Variants in CPNE4 observed in about 807,000 individuals in gnomAD.
CPNE4 encodes the protein copine 4.
A neutral mutation model predicts 67.9 loss-of-function variants in CPNE4; 25 were observed. The observed-to-expected ratio is 0.37, with a 90% CI of 0.27 to 0.51. The LOEUF (loss-of-function observed/expected upper bound fraction) is 0.51. Ranked by LOEUF, CPNE4 falls within the 20% of genes least tolerant of loss-of-function variation. CPNE4 has a pLI of 0.93. For synonymous variants in CPNE4, 242 were observed against 244.9 expected, an observed-to-expected ratio of 0.99 and a Z score of 0.11; for missense variants, 464 against 690.8, an observed-to-expected ratio of 0.67 and a Z score of 3.68.
chr3:131,873,319 T>C (rs2087295853), intron 2 of CPNE4, among the ~76,000 whole-genome samples: 1 of 152,224 alleles, frequency 6.6e-6, no homozygotes, highest in Non-Finnish European at 1.5e-5. Context: ...AAATAATGTG[T>C]GGTTTCTTTC....
chr3:131,781,329 T>C (rs2083428403), intron 2 of CPNE4, among the ~76,000 whole-genome samples: 1 of 152,122 alleles, frequency 6.6e-6, no homozygotes, highest in South Asian at 2.1e-4. Context: ...GCAAGACACA[T>C]TACTGTCCTG....
chr3:131,894,742 A>C (rs1476869594), intron 2 of CPNE4, among the ~76,000 whole-genome samples: 1 of 152,072 alleles, frequency 6.6e-6, no homozygotes, highest in Non-Finnish European at 1.5e-5. Context: ...AAGAAGAGGC[A>C]GCACTTACAC....
intron 1 of CPNE4, chr3:132,017,483 T>G (rs920602981): frequency 1.3e-5 from 2 of 152,234 alleles, no homozygotes; most frequent in Admixed American, 1.3e-4. Context: ...TCCATTTTTA[T>G]ATACTTGTTC....
chr3:131,655,425 G>A (rs1336295358), intron 7 of CPNE4, among the ~76,000 whole-genome samples: 1 of 152,168 alleles, frequency 6.6e-6, no homozygotes, highest in Non-Finnish European at 1.5e-5. Flanking sequence ...TGATTATTGG[G>A]AGTAGCAGGG....
chr3:131,734,039 G>C (rs1009034912), intron 2 of CPNE4, among the ~76,000 whole-genome samples: 1 of 152,178 alleles, frequency 6.6e-6, no homozygotes, highest in African/African-American at 2.4e-5. Context: ...CTTGGGATCA[G>C]CTTCCTCGGG....
intron 2 of CPNE4, among the ~76,000 whole-genome samples, chr3:131,901,618 T>C (rs1209234895): frequency 6.6e-6 from 1 of 151,986 alleles, no homozygotes; most frequent in Non-Finnish European, 1.5e-5. Context: ...CTGAGGCAGG[T>C]TGGAGGACCC....
intron 1 of CPNE4, among the ~76,000 whole-genome samples, chr3:131,967,700 A>G (rs1468730077): frequency 2.0e-5 from 3 of 152,206 alleles, no homozygotes; most frequent in African/African-American, 7.2e-5. Context: ...TCAAGGAAAT[A>G]AGAGAAGACA....
At chr3:132,019,983 C>A (rs1389598414) in intron 1 of CPNE4, among the ~76,000 whole-genome samples, 1 of 152,196 alleles carries the variant, frequency 6.6e-6, no homozygotes, top group Non-Finnish European at 1.5e-5. Flanking sequence ...CATCATGGAT[C>A]TCTAAATTAA....
At chr3:131,708,540 A>T (rs2107716711) in intron 3 of CPNE4, among the ~76,000 whole-genome samples, 1 of 152,250 alleles carries the variant, frequency 6.6e-6, no homozygotes, top group East Asian at 1.9e-4. Context: ...GCAGTCTTCC[A>T]AGCTGAGAAC....
intron 5 of CPNE4, among the ~76,000 whole-genome samples, chr3:131,687,148 T>G (rs2080911581): frequency 6.6e-6 from 1 of 152,180 alleles, no homozygotes; most frequent in Non-Finnish European, 1.5e-5. Context: ...CAAATACATG[T>G]CTCTTGTGTC....
At chr3:132,009,293 G>A (rs1372730194) in intron 1 of CPNE4, among the ~76,000 whole-genome samples, 2 of 152,136 alleles carry the variant, frequency 1.3e-5, no homozygotes, top group African/African-American at 4.8e-5. Context: ...AGATCCCTGA[G>A]GAACCTCTGC....
At chr3:131,658,073 T>C (rs2080024868) in intron 7 of CPNE4, among the ~76,000 whole-genome samples, 1 of 152,230 alleles carries the variant, frequency 6.6e-6, no homozygotes, top group African/African-American at 2.4e-5. Context: ...AGAGGTTCCC[T>C]GTATGGAGCT....
intron 2 of CPNE4, among the ~76,000 whole-genome samples, chr3:131,855,849 C>A (rs868082122): frequency 6.6e-6 from 1 of 151,958 alleles, no homozygotes; most frequent in African/African-American, 2.4e-5. Flanking sequence ...ATCATTATCT[C>A]TGCAGCCAAG....
At chr3:131,775,581 C>T (rs1560286008) in intron 2 of CPNE4, among the ~76,000 whole-genome samples, 1 of 152,094 alleles carries the variant, frequency 6.6e-6, no homozygotes, top group Non-Finnish European at 1.5e-5. Flanking sequence ...GAGTAAGTCT[C>T]ATGAGATCTG....
At chr3:131,683,035 T>G (rs7639558) in intron 6 of CPNE4, among the ~76,000 whole-genome samples, 11,558 of 152,066 alleles carry the variant, frequency 0.076, 962 homozygotes, top group East Asian at 0.28. Flanking sequence ...TTCAGGGAAG[T>G]GGACTCCTCT....
At chr3:131,632,840 C>T (rs2079266708) in intron 7 of CPNE4, among the ~76,000 whole-genome samples, 1 of 152,112 alleles carries the variant, frequency 6.6e-6, no homozygotes, top group African/African-American at 2.4e-5. Flanking sequence ...AGGGACTATC[C>T]TGAACATTAC....
At chr3:131,849,251 G>A (rs2086137858) in intron 2 of CPNE4, among the ~76,000 whole-genome samples, 1 of 152,092 alleles carries the variant, frequency 6.6e-6, no homozygotes, top group Admixed American at 6.6e-5. Context: ...AGAAGGGATT[G>A]TGTATTAGTC....
chr3:131,981,145 T>C (rs1431129293), intron 1 of CPNE4, among the ~76,000 whole-genome samples: 3 of 152,120 alleles, frequency 2.0e-5, no homozygotes, highest in African/African-American at 7.2e-5. Context: ...GGTGGTTCAA[T>C]GCTTTATTTT....
chr3:131,725,619 A>G (rs546554247), intron 2 of CPNE4, among the ~76,000 whole-genome samples: 1 of 152,286 alleles, frequency 6.6e-6, no homozygotes, highest in African/African-American at 2.4e-5. Flanking sequence ...TATCAGCATA[A>G]TTTTTCTGTT....
Sources: allele counts gnomAD v4.1 joint callset (sites outside exome capture counted in the v4.1 genomes callset), GRCh38; gene constraint gnomAD v4.1.1; transcripts MANE v1.5; gene names NCBI Gene and HGNC (gene_info 2026-07-23, HGNC 2026-07-21).